The following GPC5 variants were observed in gnomAD, a reference collection of about 807,000 sequenced individuals.
GPC5 encodes glypican 5, also known as glypican-5.
GPC5 carries 47 observed loss-of-function variants against 53.9 expected under a neutral mutation model. The observed-to-expected ratio is 0.87, with a 90% CI of 0.69 to 1.11. The LOEUF (loss-of-function observed/expected upper bound fraction) is 1.11. Among genes scored for constraint, GPC5 ranks in the 50% most tolerant of loss-of-function variants. GPC5 has a pLI of 0.00. For missense variants in GPC5, 748 were observed against 713.1 expected (o/e 1.05, Z -0.56); for synonymous variants, 286 against 263.3 (o/e 1.09, Z -0.84).
At chr13:92,639,775 A>T (rs1336718451) in intron 7 of GPC5, among the ~76,000 whole-genome samples, 1 of 152,184 alleles carries the variant, frequency 6.6e-6, no homozygotes, top group Non-Finnish European at 1.5e-5. Context: ...GACATTGAAA[A>T]GCAAATGGGT....
chr13:92,030,186 G>GA (rs2040829924), intron 6 of GPC5, among the ~76,000 whole-genome samples: 1 of 152,024 alleles, frequency 6.6e-6, no homozygotes, highest in South Asian at 2.1e-4. Context: ...CACTAGTACT[G>GA]AAAAAAATAG....
intron 6 of GPC5, among the ~76,000 whole-genome samples, chr13:91,954,027 A>G (rs891551639): frequency 6.6e-6 from 1 of 152,202 alleles, no homozygotes; most frequent in African/African-American, 2.4e-5. Flanking sequence ...AGGAAAAAAA[A>G]CTTTCTTATG....
intron 7 of GPC5, among the ~76,000 whole-genome samples, chr13:92,706,673 C>T (rs999887271): frequency 6.6e-6 from 1 of 152,098 alleles, no homozygotes; most frequent in South Asian, 2.1e-4. Flanking sequence ...TATTAGCCTC[C>T]CCTGGTAATG....
chr13:92,304,620 A>G (rs998869817), intron 7 of GPC5, among the ~76,000 whole-genome samples: 3 of 152,180 alleles, frequency 2.0e-5, no homozygotes, highest in Non-Finnish European at 4.4e-5. Context: ...ATGAGCCCCT[A>G]TGAATACATT....
chr13:92,861,401 C>A (rs551088465), intron 7 of GPC5, among the ~76,000 whole-genome samples: 1 of 152,296 alleles, frequency 6.6e-6, no homozygotes, highest in South Asian at 2.1e-4. Flanking sequence ...CAACTGGTTA[C>A]ACTCTCCTCT....
intron 6 of GPC5, among the ~76,000 whole-genome samples, chr13:91,986,854 CGTGTTTAA>C (rs1465652919): frequency 2.0e-5 from 3 of 147,576 alleles, no homozygotes; most frequent in Non-Finnish European, 4.6e-5. Flanking sequence ...ATTTCTACAG[CGTGTTTAA>C]GCCAGAGCTA....
rs534225976 is a variant in GPC5 at position 92,520,127 on chromosome 13, G to T, written c.1562-346155G>T. Among the ~76,000 whole-genome samples, 6 of 151,592 alleles carry T rather than the reference G, an allele frequency of 4.0e-5. No individual in the cohort carries two copies. The East Asian group carries it at 9.7e-4, about 24-fold the overall frequency. ...ACCAATAACAGGCTCTGAAATTGAG[G>T]CAATAATTAATAGCCTACCAACCAA... On this transcript the variant is annotated intron_variant, in intron 7 of 7. Transcript: ENST00000377067.
chr13:92,443,252 C>T (rs557216776), intron 7 of GPC5, among the ~76,000 whole-genome samples: 1 of 152,284 alleles, frequency 6.6e-6, no homozygotes, highest in South Asian at 2.1e-4. Flanking sequence ...GAGAGTATGG[C>T]ACAAAGCCAT....
chr13:92,197,508 G>T (rs993044395), intron 7 of GPC5, among the ~76,000 whole-genome samples: 4 of 151,964 alleles, frequency 2.6e-5, no homozygotes, highest in Non-Finnish European at 5.9e-5. Context: ...TCCTATTGGG[G>T]TTTGTTTGAG....
At chr13:91,432,205 GTGTGTGTGTGTGTGTGT>G (rs1253615236) in intron 1 of GPC5, among the ~76,000 whole-genome samples, 2 of 119,558 alleles carry the variant, frequency 1.7e-5, no homozygotes. Flanking sequence ...TGCTGCTGCT[GTGTGTGTGTGTGTGTGT>G]GTGTGTGTGT....
intron 5 of GPC5, among the ~76,000 whole-genome samples, chr13:91,810,310 A>T (rs1220348192): frequency 1.3e-5 from 2 of 151,968 alleles, no homozygotes; most frequent in African/African-American, 4.8e-5. Flanking sequence ...GTATTATTTA[A>T]TGCTTCCTAC....
chr13:92,429,746 A>G (rs59539695), intron 7 of GPC5, among the ~76,000 whole-genome samples: 5,014 of 152,192 alleles, frequency 0.033, 183 homozygotes, highest in East Asian at 0.12. Flanking sequence ...AATGTTGAAC[A>G]CTAGATGGAT....
At chr13:91,789,389 A>G (rs2037928182) in intron 5 of GPC5, among the ~76,000 whole-genome samples, 1 of 152,196 alleles carries the variant, frequency 6.6e-6, no homozygotes, top group Admixed American at 6.5e-5. Flanking sequence ...TAATATTGGT[A>G]TGGCTGCTCA....
chr13:91,884,327 T>C (rs2039300257), intron 5 of GPC5, among the ~76,000 whole-genome samples: 1 of 152,168 alleles, frequency 6.6e-6, no homozygotes, highest in South Asian at 2.1e-4. Context: ...CTATTCACAG[T>C]AGCAAAGGCA....
chr13:92,107,761 A>C (rs2041521454), intron 6 of GPC5, among the ~76,000 whole-genome samples: 1 of 152,176 alleles, frequency 6.6e-6, no homozygotes, highest in South Asian at 2.1e-4. Flanking sequence ...GTACAGAATA[A>C]AATGTAACAC....
chr13:92,141,868 T>A (rs768602724), intron 6 of GPC5, among the ~76,000 whole-genome samples: 1 of 152,236 alleles, frequency 6.6e-6, no homozygotes, highest in East Asian at 1.9e-4. Flanking sequence ...GCAAGGCAGG[T>A]CACTCTCAGC....
At chr13:91,721,745 A>T (rs906372467) in intron 3 of GPC5, among the ~76,000 whole-genome samples, 6 of 152,076 alleles carry the variant, frequency 3.9e-5, no homozygotes, top group Non-Finnish European at 7.4e-5. Flanking sequence ...TTTCCCTGTG[A>T]TCTTCCCATG....
intron 7 of GPC5, among the ~76,000 whole-genome samples, chr13:92,703,726 C>T (rs972546737): frequency 6.6e-6 from 1 of 151,182 alleles, no homozygotes; most frequent in Non-Finnish European, 1.5e-5. Flanking sequence ...CATTGAGCAG[C>T]ATGTTACTGT....
At chr13:91,791,274 A>G (rs2037959878) in intron 5 of GPC5, among the ~76,000 whole-genome samples, 1 of 152,194 alleles carries the variant, frequency 6.6e-6, no homozygotes, top group Non-Finnish European at 1.5e-5. Flanking sequence ...TGCCAGGTGG[A>G]AGTCAGGAAG....
Sources: gnomAD v4.1 joint callset for allele counts (sites outside exome capture counted in the v4.1 genomes callset) on GRCh38, gnomAD v4.1.1 for gene constraint, MANE v1.5 for transcripts, NCBI Gene and HGNC (gene_info 2026-07-23, HGNC 2026-07-21) for gene names.